Variants in EXOC6B observed in about 807,000 individuals in gnomAD.
EXOC6B encodes the protein SEC15 homolog B.
EXOC6B carries 54 observed loss-of-function variants against 113.5 expected under a neutral mutation model. The ratio of observed to expected loss-of-function variants is 0.48; its 90% CI spans 0.38 to 0.60. The LOEUF is 0.60. Ranked by LOEUF, EXOC6B falls within the 20% of genes least tolerant of loss-of-function variation. The probability of loss-of-function intolerance (pLI) is 0.00; values close to 1 mark genes in which losing one functional copy is unlikely to be tolerated. For missense variants in EXOC6B, 797 were observed against 977.5 expected, an observed-to-expected ratio of 0.82 and a Z score of 2.46; for synonymous variants, 357 against 339.0, an observed-to-expected ratio of 1.05 and a Z score of -0.58.
At chr2:72,767,203 GT>G (rs1306702414) in intron 1 of EXOC6B, among the ~76,000 whole-genome samples, 2 of 152,056 alleles carry the variant, frequency 1.3e-5, no homozygotes, top group Non-Finnish European at 2.9e-5. Flanking sequence ...GCCGAGGCGG[GT>G]GTATCACCTG....
At chr2:72,794,002 A>G (rs1684816138) in intron 1 of EXOC6B, among the ~76,000 whole-genome samples, 1 of 152,372 alleles carries the variant, frequency 6.6e-6, no homozygotes, top group African/African-American at 2.4e-5. Context: ...ATCTCAGTCC[A>G]GGAAAGGGGT....
At chr2:72,500,014 G>A in intron 11 of EXOC6B, 42 bp from the exon 12 acceptor site, 1 of 1,262,034 alleles carries the variant, frequency 7.9e-7, no homozygotes, top group Non-Finnish European at 1.1e-6. Flanking sequence ...CATGTTATTA[G>A]TAAAAATGCA....
intron 1 of EXOC6B, among the ~76,000 whole-genome samples, chr2:72,817,578 C>T (rs561879338): frequency 6.6e-6 from 1 of 151,860 alleles, no homozygotes; most frequent in Non-Finnish European, 1.5e-5. Context: ...AAACAAAATC[C>T]CTTCCCCCCT....
At chr2:72,737,129 G>C (rs912937527) in intron 2 of EXOC6B, among the ~76,000 whole-genome samples, 2 of 151,888 alleles carry the variant, frequency 1.3e-5, no homozygotes, top group Non-Finnish European at 1.5e-5. Flanking sequence ...TTGAGGACAG[G>C]AGTTCAAGAC....
At chr2:72,650,619 A>C (rs1439359269) in intron 6 of EXOC6B, among the ~76,000 whole-genome samples, 6 of 151,854 alleles carry the variant, frequency 4.0e-5, no homozygotes, top group Non-Finnish European at 1.5e-5. Context: ...AAAGAAAAAA[A>C]AAAGAAAAGA....
At chr2:72,597,042 A>G (rs949804943) in intron 6 of EXOC6B, among the ~76,000 whole-genome samples, 2 of 149,880 alleles carry the variant, frequency 1.3e-5, no homozygotes, top group African/African-American at 4.9e-5. Context: ...CATTATCCCA[A>G]AAAGAAACCC....
intron 5 of EXOC6B, among the ~76,000 whole-genome samples, chr2:72,723,335 A>G (rs1680120042): frequency 6.6e-6 from 1 of 152,214 alleles, no homozygotes; most frequent in African/African-American, 2.4e-5. Context: ...AAAGGGAGGA[A>G]GGCAGGGAAA....
At chr2:72,801,174 GA>G (rs1276504510) in intron 1 of EXOC6B, among the ~76,000 whole-genome samples, 1 of 152,128 alleles carries the variant, frequency 6.6e-6, no homozygotes, top group Non-Finnish European at 1.5e-5. Flanking sequence ...GCCCTGTATA[GA>G]ACAGCAATTT....
intron 19 of EXOC6B, among the ~76,000 whole-genome samples, chr2:72,352,077 A>G (rs1035762236): frequency 6.6e-6 from 1 of 152,184 alleles, no homozygotes; most frequent in Non-Finnish European, 1.5e-5. Context: ...ACACCTAGTC[A>G]TCTAGTCCAA....
intron 18 of EXOC6B, chr2:72,464,497 C>T (rs949082621): frequency 6.6e-6 from 1 of 152,354 alleles, no homozygotes; most frequent in African/African-American, 2.4e-5. Context: ...CACAACCCAC[C>T]TGCCCATTCT....
intron 1 of EXOC6B, among the ~76,000 whole-genome samples, chr2:72,797,648 T>C (rs1374720218): frequency 1.3e-5 from 2 of 152,056 alleles, no homozygotes; most frequent in African/African-American, 2.4e-5. Context: ...ACCCCATCTC[T>C]ACTAAAAATA....
chr2:72,796,917 A>C (rs945200501), intron 1 of EXOC6B, among the ~76,000 whole-genome samples: 1 of 152,240 alleles, frequency 6.6e-6, no homozygotes, highest in Non-Finnish European at 1.5e-5. Flanking sequence ...ATTTATCAAG[A>C]GGGAATAAGA....
chr2:72,215,137 T>C (rs1573012539), intron 20 of EXOC6B, among the ~76,000 whole-genome samples: 1 of 152,200 alleles, frequency 6.6e-6, no homozygotes, highest in South Asian at 2.1e-4. Flanking sequence ...AATAATCCCA[T>C]CTTTCCACTT....
intron 6 of EXOC6B, among the ~76,000 whole-genome samples, chr2:72,656,326 T>C (rs1189221048): frequency 2.0e-5 from 3 of 151,984 alleles, no homozygotes; most frequent in African/African-American, 7.2e-5. Flanking sequence ...TGTGAAAACA[T>C]ATATTATCAG....
At chr2:72,636,537 C>T (rs941498462) in intron 6 of EXOC6B, among the ~76,000 whole-genome samples, 1 of 151,464 alleles carries the variant, frequency 6.6e-6, no homozygotes, top group African/African-American at 2.4e-5. Flanking sequence ...GAGGCAGCGG[C>T]GGCAGCAGCC....
At chr2:72,231,863 G>C (rs1681643314) in intron 20 of EXOC6B, among the ~76,000 whole-genome samples, 1 of 152,182 alleles carries the variant, frequency 6.6e-6, no homozygotes, top group African/African-American at 2.4e-5. Context: ...TGGAAAGCAT[G>C]TGGCGATTTC....
At chr2:72,714,393 C>T (rs1216455239) in intron 6 of EXOC6B, among the ~76,000 whole-genome samples, 1 of 152,192 alleles carries the variant, frequency 6.6e-6, no homozygotes, top group Non-Finnish European at 1.5e-5. Context: ...TACCACATCC[C>T]TACTGGGCCT....
chr2:72,614,061 T>C (rs1671241424), intron 6 of EXOC6B, among the ~76,000 whole-genome samples: 1 of 152,184 alleles, frequency 6.6e-6, no homozygotes, highest in African/African-American at 2.4e-5. Context: ...ACAGAGACTA[T>C]ATGATCTGTA....
chr2:72,318,956 T>C (rs1687689753), intron 20 of EXOC6B, among the ~76,000 whole-genome samples: 1 of 151,330 alleles, frequency 6.6e-6, no homozygotes, highest in African/African-American at 2.4e-5. Flanking sequence ...TCTATAAAAC[T>C]GATGCATGAT....
Sources: allele counts gnomAD v4.1 joint callset (sites outside exome capture counted in the v4.1 genomes callset), GRCh38; gene constraint gnomAD v4.1.1; transcripts MANE v1.5; gene names NCBI Gene and HGNC (gene_info 2026-07-23, HGNC 2026-07-21).